The following PODXL variants were observed in gnomAD, a reference collection of about 807,000 sequenced individuals.
The protein encoded by PODXL is podocalyxin like.
In PODXL, 20 loss-of-function variants were observed where a neutral mutation model predicts 48.9. That is an observed-to-expected ratio of 0.41 (90% CI 0.29 to 0.59). PODXL has a LOEUF of 0.59. Ranked by LOEUF, PODXL falls within the 20% of genes least tolerant of loss-of-function variation. The pLI, the probability that PODXL is intolerant of heterozygous loss-of-function variation, is 0.31. For missense variants in PODXL, 606 were observed against 675.1 expected, an observed-to-expected ratio of 0.90 and a Z score of 1.13; for synonymous variants, 295 against 287.4, an observed-to-expected ratio of 1.03 and a Z score of -0.27.
intron 1 of PODXL, among the ~76,000 whole-genome samples, chr7:131,517,796 T>C (rs964386855): frequency 6.6e-6 from 1 of 151,940 alleles, no homozygotes; most frequent in Non-Finnish European, 1.5e-5. Context: ...TGGAGTACAA[T>C]GGCGCAATCT....
Position 131,511,283 on chromosome 7 carries a change from C to T in PODXL, c.251G>A (p.Gly84Asp). The change falls in exon 2 of 9, where the codon GGT (glycine) becomes GAT (aspartate). Residue 84 changes from glycine to aspartate, a missense_variant. By Grantham distance (94) the Gly-to-Asp change is moderately conservative. Coordinates refer to ENST00000378555, the MANE Select transcript of PODXL (RefSeq NM_001018111.3). ...AGTCCCCGGTGAGTCACTGGATACA[C>T]CAAGGGTGGTCGCCTTGACCGAGGC... ...ILASVKATTL[G>D]VSSDSPGTTT... is the part of the protein sequence containing the mutation. The T allele has an allele frequency of 1.2e-6, 2 of 1,614,012 alleles. No homozygotes were observed. Among genetic ancestry groups the T allele is most frequent in the Non-Finnish European group, 1.7e-6 (2 of 1,179,988 alleles).
intron 1 of PODXL, among the ~76,000 whole-genome samples, chr7:131,540,114 CT>C (rs1798450385): frequency 6.6e-6 from 1 of 152,116 alleles, no homozygotes; most frequent in South Asian, 2.1e-4. Context: ...GCGATCACGG[CT>C]CACTGCAGCT....
At chr7:131,531,839 C>T (rs536225468) in intron 1 of PODXL, among the ~76,000 whole-genome samples, 3 of 152,142 alleles carry the variant, frequency 2.0e-5, no homozygotes, top group African/African-American at 7.2e-5. Context: ...CAGCCAGGCG[C>T]GGTGGCTCAT....
chr7:131,516,976 T>A (rs1798007766), intron 1 of PODXL, among the ~76,000 whole-genome samples: 1 of 152,130 alleles, frequency 6.6e-6, no homozygotes, highest in Non-Finnish European at 1.5e-5. Context: ...TACCTCAGCC[T>A]CCCAAATTGC....
At chr7:131,529,939 A>T in intron 1 of PODXL, among the ~76,000 whole-genome samples, 2 of 32,760 alleles carry the variant, frequency 6.1e-5, no homozygotes, top group Non-Finnish European at 4.0e-4. Flanking sequence ...GGGCCTCCCT[A>T]GGGGTATAGG....
intron 1 of PODXL, among the ~76,000 whole-genome samples, chr7:131,530,494 C>A (rs1584822383): frequency 6.6e-6 from 1 of 152,222 alleles, no homozygotes; most frequent in South Asian, 2.1e-4. Context: ...CCTATAATCC[C>A]AGCAATTTGG....
At position 131,506,651 on chromosome 7, in the gene PODXL, C is replaced by A; in HGVS notation, c.1177G>T (p.Asp393Tyr). ...AVKATFNPAQ[D>Y]KCGIRLASVP... ...GATGCCAGCCGTATGCCGCACTTAT[C>A]TTGGGCCGGGTTGAAGGTGGCTTTG... is the stretch of plus-strand genomic sequence containing the variant. The change falls in exon 6 of 9, where the codon GAT becomes TAT. Residue 393 changes from aspartate to tyrosine, a missense_variant. Asp to Tyr is a radical substitution (Grantham distance 160). Coordinates refer to ENST00000378555, the MANE Select transcript of PODXL (RefSeq NM_001018111.3). The A allele has an allele frequency of 6.2e-7, 1 of 1,614,208 alleles. No individual in the cohort carries two copies. The highest frequency in any genetic ancestry group is 8.5e-7 in the Non-Finnish European group (1 of 1,180,028).
chr7:131,505,202 G>C (rs372183575), intron 8 of PODXL, among the ~76,000 whole-genome samples: 4 of 152,276 alleles, frequency 2.6e-5, no homozygotes, highest in African/African-American at 9.6e-5. Context: ...AAGAATTTTT[G>C]GTTAGACAGA....
rs3212303 is a variant in PODXL at position 131,506,777 on chromosome 7, A to G, written c.1102-51T>C. On this transcript the variant is annotated intron_variant, in intron 5 of 8. Coordinates refer to ENST00000378555, the MANE Select transcript of PODXL (RefSeq NM_001018111.3). ...TCCGCGGGGAGCGTGACAGCAGCCTAGGCCTGTGGGGCTGCCCTCCCAGCT... is the reference window on the plus strand; with the variant it reads ...TCCGCGGGGAGCGTGACAGCAGCCTGGGCCTGTGGGGCTGCCCTCCCAGCT... 953,009 of 1,601,220 alleles carry G rather than the reference A, an allele frequency of 0.6. 285,809 individuals carry two copies. Among genetic ancestry groups the G allele is most frequent in the Middle Eastern group, 0.8 (4,769 of 5,984 alleles).
intron 1 of PODXL, among the ~76,000 whole-genome samples, chr7:131,543,981 C>A (rs1035140380): frequency 1.6e-4 from 24 of 152,116 alleles, no homozygotes; most frequent in African/African-American, 5.6e-4. Flanking sequence ...GTCCTGGGGC[C>A]GAAATCACCC....
intron 1 of PODXL, among the ~76,000 whole-genome samples, chr7:131,511,934 G>C (rs1344360391): frequency 6.6e-6 from 1 of 152,124 alleles, no homozygotes; most frequent in African/African-American, 2.4e-5. Flanking sequence ...CCCAGAACCA[G>C]CTGCCAGGAA....
At chr7:131,532,853 C>T (rs1330164476) in intron 1 of PODXL, among the ~76,000 whole-genome samples, 1 of 152,158 alleles carries the variant, frequency 6.6e-6, no homozygotes, top group Non-Finnish European at 1.5e-5. Flanking sequence ...CAGAACTTCT[C>T]TCTGCCCGGT....
At chr7:131,537,741 G>C (rs1459433208) in intron 1 of PODXL, among the ~76,000 whole-genome samples, 1 of 152,130 alleles carries the variant, frequency 6.6e-6, no homozygotes, top group African/African-American at 2.4e-5. Context: ...CTCCATCCCC[G>C]AGGGTAACCG....
intron 1 of PODXL, among the ~76,000 whole-genome samples, chr7:131,530,251 G>A (rs1798254421): frequency 1.3e-5 from 2 of 151,544 alleles, no homozygotes; most frequent in Non-Finnish European, 2.9e-5. Context: ...AGGACAGCGA[G>A]GCAGGGTGGC....
At position 131,509,501 on chromosome 7, in the gene PODXL, A is replaced by T. The variant is rs1797873654; in HGVS notation, c.887T>A (p.Val296Glu). 1.9e-6 allele frequency: 3 copies of T among 1,613,042 alleles called. No homozygotes were observed. The stretch of plus-strand genomic sequence containing the variant: ...TGCCGTTGCCGGGCTCGTGGGCTGC[A>T]CTGTCTCCTGGGAGGAAGGGGCCGT... ...SSTAPSSQET[V>E]QPTSPATALR... is the part of the protein sequence containing the mutation. Residue 296 changes from valine to glutamate, a missense_variant, in exon 4 of 9, where the codon GTG (valine) becomes GAG (glutamate). Val to Glu is a moderately radical substitution (Grantham distance 121, BLOSUM62 -2). Coordinates refer to ENST00000378555, the MANE Select transcript of PODXL (RefSeq NM_001018111.3).
Position 131,556,277 on chromosome 7 carries a change from GGC to G in PODXL, c.81_82del (p.Pro28ValfsTer15). On this transcript the variant is annotated frameshift_variant, in exon 1 of 9. Transcript: ENST00000378555. LOFTEE classifies it high-confidence loss of function. ...CCACTCACCATTCTGGGAGGGCGAC[GGC>G]GACGGCGACGGCGACGACGGCAGCA... 1 of 1,384,714 alleles carries G rather than the reference GGC, an allele frequency of 7.2e-7. No individual in the cohort carries two copies. Among genetic ancestry groups the G allele is most frequent in the Admixed American group, 2.9e-5 (1 of 34,858 alleles). 85.8% of individuals were successfully genotyped at this position (1,384,714 alleles called of 1,614,324 possible).
chr7:131,512,151 G>T (rs1181579470), intron 1 of PODXL, among the ~76,000 whole-genome samples: 1 of 152,202 alleles, frequency 6.6e-6, no homozygotes, highest in Non-Finnish European at 1.5e-5. Context: ...GCTGTGCCAA[G>T]AAAGAAAGGC....
chr7:131,506,141 C>T (rs531822430), intron 7 of PODXL, 106 bp from the exon 8 acceptor site: 6 of 1,543,704 alleles, frequency 3.9e-6, no homozygotes, highest in East Asian at 2.2e-5. Flanking sequence ...TCCGTGCCGC[C>T]GCCCTCTTCT....
intron 1 of PODXL, among the ~76,000 whole-genome samples, chr7:131,519,085 C>A (rs1195232736): frequency 6.6e-6 from 1 of 152,182 alleles, no homozygotes; most frequent in Non-Finnish European, 1.5e-5. Flanking sequence ...CTGTTCAGAG[C>A]CTCGCCTCAG....
Sources: gnomAD v4.1 joint callset for allele counts (sites outside exome capture counted in the v4.1 genomes callset) on GRCh38, gnomAD v4.1.1 for gene constraint, MANE v1.5 for transcripts, NCBI Gene and HGNC (gene_info 2026-07-23, HGNC 2026-07-21) for gene names.